The following TRPM3 variants were observed in gnomAD, a reference collection of about 807,000 sequenced individuals.
TRPM3 encodes the protein transient receptor potential cation channel subfamily M member 3.
In TRPM3, 77 loss-of-function variants were observed where a neutral mutation model predicts 181.2. The ratio of observed to expected loss-of-function variants is 0.42; its 90% confidence interval spans 0.35 to 0.51. The LOEUF (loss-of-function observed/expected upper bound fraction) is 0.51, where lower values mean the gene tolerates loss of function less well. Ranked by LOEUF, TRPM3 falls within the 20% of genes least tolerant of loss-of-function variation. TRPM3 has a pLI of 0.01. For missense variants in TRPM3, 1,759 were observed against 2,196.7 expected, an observed-to-expected ratio of 0.80 and a Z score of 3.98; for synonymous variants, 745 against 796.4, an observed-to-expected ratio of 0.94 and a Z score of 1.09.
intron 1 of TRPM3, among the ~76,000 whole-genome samples, chr9:71,184,932 AAC>A (rs2077591771): frequency 6.6e-6 from 1 of 152,146 alleles, no homozygotes. Flanking sequence ...ATAGGCTGTC[AAC>A]ACACATATAG....
intron 1 of TRPM3, among the ~76,000 whole-genome samples, chr9:71,118,127 T>C (rs939320041): frequency 2.0e-5 from 3 of 152,194 alleles, no homozygotes; most frequent in African/African-American, 7.2e-5. Context: ...AGAGAAATGA[T>C]GTAGAAAGGG....
At chr9:70,808,444 G>A (rs550398152) in intron 6 of TRPM3, among the ~76,000 whole-genome samples, 18 of 152,304 alleles carry the variant, frequency 1.2e-4, no homozygotes, top group Non-Finnish European at 2.4e-4. Context: ...AGCTTGAATA[G>A]GAAAATGGGT....
chr9:70,613,553 C>G (rs1026162200), intron 18 of TRPM3, among the ~76,000 whole-genome samples: 2 of 152,178 alleles, frequency 1.3e-5, no homozygotes. Context: ...GTCCACTGAC[C>G]AGTGCCTGAG....
At chr9:70,610,522 T>G (rs1436514906) in intron 19 of TRPM3, 87 bp downstream of exon 19, 1 of 1,493,248 alleles carries the variant, frequency 6.7e-7, no homozygotes. Flanking sequence ...ACTTACGACT[T>G]GCAGAGAAAA....
intron 1 of TRPM3, among the ~76,000 whole-genome samples, chr9:71,171,410 C>T (rs896507991): frequency 2.0e-5 from 3 of 152,052 alleles, no homozygotes; most frequent in Admixed American, 6.6e-5. Flanking sequence ...CATCACGGAA[C>T]CTACCGACAT....
chr9:71,288,328 T>C (rs893867557), intron 1 of TRPM3, among the ~76,000 whole-genome samples: 6 of 152,064 alleles, frequency 3.9e-5, no homozygotes, highest in African/African-American at 1.4e-4. Context: ...AACTGTTCGA[T>C]TATTAACAAA....
Position 70,531,245 on chromosome 9 carries a change from C to A in TRPM3, c.*4708G>T, listed in dbSNP as rs1323243711. ...GCCACCTCTGGGTCCCATGGCTATA[C>A]AACCTGCAGTTAATACTTTATTTCA... is the stretch of plus-strand genomic sequence containing the variant. On this transcript the variant is annotated 3_prime_UTR_variant, in exon 26 of 26. Coordinates refer to ENST00000677713, the MANE Select transcript of TRPM3 (RefSeq NM_001366145.2). 1 of 152,160 alleles carries A rather than the reference C, an allele frequency of 6.6e-6. No individual in the cohort carries two copies. The highest frequency in any genetic ancestry group is 1.5e-5 in the Non-Finnish European group (1 of 68,024). 9.4% of individuals were successfully genotyped at this position (152,160 alleles called of 1,614,324 possible). A position where few individuals can be genotyped will look rare whatever the true frequency, so the allele number is the denominator to read the frequency against.
At chr9:71,346,546 T>C (rs2091304643) in intron 1 of TRPM3, among the ~76,000 whole-genome samples, 2 of 152,106 alleles carry the variant, frequency 1.3e-5, no homozygotes. Context: ...ACAGCTGTTG[T>C]AAACTAGAAA....
chr9:71,094,462 A>G (rs2066766173), intron 1 of TRPM3, among the ~76,000 whole-genome samples: 1 of 152,014 alleles, frequency 6.6e-6, no homozygotes, highest in African/African-American at 2.4e-5. Context: ...TATTCTCTCG[A>G]CTGCTTCTCT....
At chr9:71,164,377 A>G (rs1279488561) in intron 1 of TRPM3, among the ~76,000 whole-genome samples, 2 of 152,160 alleles carry the variant, frequency 1.3e-5, no homozygotes, top group African/African-American at 4.8e-5. Context: ...CAGTGTCACA[A>G]GAGTTGAGTT....
intron 1 of TRPM3, among the ~76,000 whole-genome samples, chr9:71,197,115 G>A (rs974781914): frequency 5.9e-5 from 9 of 152,066 alleles, no homozygotes; most frequent in African/African-American, 2.2e-4. Flanking sequence ...GTGAGAACAT[G>A]CGATGTTTGG....
intron 1 of TRPM3, among the ~76,000 whole-genome samples, chr9:71,295,484 A>G (rs72733896): frequency 0.043 from 6,428 of 148,952 alleles, 203 homozygotes; most frequent in East Asian, 0.11. Flanking sequence ...TTTTTTTTTT[A>G]ACAAAAGTAT....
At chr9:71,388,920 T>C (rs530798959) in intron 1 of TRPM3, among the ~76,000 whole-genome samples, 121 of 152,216 alleles carry the variant, frequency 7.9e-4, no homozygotes, top group African/African-American at 2.6e-3. Context: ...ACTTGCAAAG[T>C]ATCAGATCCT....
intron 1 of TRPM3, among the ~76,000 whole-genome samples, chr9:70,932,324 T>TTGCCTGTCCACC (rs2096783673): frequency 6.6e-6 from 1 of 152,094 alleles, no homozygotes; most frequent in African/African-American, 2.4e-5. Flanking sequence ...GCCTGCCTGC[T>TTGCCTGTCCACC]TGCCTGTCCA....
intron 1 of TRPM3, among the ~76,000 whole-genome samples, chr9:70,937,435 T>A (rs924943755): frequency 3.3e-5 from 5 of 152,242 alleles, no homozygotes; most frequent in Non-Finnish European, 7.3e-5. Context: ...AAGCAGTAAC[T>A]CTAATAATGT....
At position 70,821,267 on chromosome 9, in the gene TRPM3, C is replaced by T. The variant is rs115452968; in HGVS notation, c.973+6580G>A. ...TGAAATATTTATAAAGGAAATGATA[C>T]GCTGTCTGGATTTCCTTCAAAATTA... On this transcript the variant is annotated intron_variant, in intron 6 of 25. Transcript: ENST00000677713. Among the ~76,000 whole-genome samples the T allele has an allele frequency of 2.6e-3, 395 of 152,200 alleles. 4 individuals carry two copies. Among genetic ancestry groups the T allele is most frequent in the African/African-American group, 9.3e-3 (387 of 41,522 alleles).
chr9:71,014,856 G>A (rs1213690243), intron 1 of TRPM3, among the ~76,000 whole-genome samples: 2 of 151,896 alleles, frequency 1.3e-5, no homozygotes, highest in Non-Finnish European at 2.9e-5. Flanking sequence ...TATATGTTTT[G>A]TCTCAACTTT....
chr9:71,136,345 TTC>T (rs1209697244), intron 1 of TRPM3, among the ~76,000 whole-genome samples: 1 of 152,196 alleles, frequency 6.6e-6, no homozygotes, highest in Non-Finnish European at 1.5e-5. Context: ...GCTCAGCCTG[TTC>T]TCTGTAGCTT....
chr9:71,185,969 C>CA (rs1384187323), intron 1 of TRPM3, among the ~76,000 whole-genome samples: 1 of 152,028 alleles, frequency 6.6e-6, no homozygotes, highest in Admixed American at 6.6e-5. Context: ...GAATTAAGGC[C>CA]ATGCTGTCAG....
Sources: gnomAD v4.1 joint callset for allele counts (sites outside exome capture counted in the v4.1 genomes callset) on GRCh38, gnomAD v4.1.1 for gene constraint, MANE v1.5 for transcripts, NCBI Gene and HGNC (gene_info 2026-07-23, HGNC 2026-07-21) for gene names.